DNAJC11: variants seen among roughly 807,000 people sequenced by gnomAD.
The protein encoded by DNAJC11 is DnaJ heat shock protein family (Hsp40) member C11.
Under a neutral mutation model 78.6 loss-of-function variants are expected in DNAJC11, and 15 were observed. That is an observed-to-expected ratio of 0.19 (90% CI 0.13 to 0.29). DNAJC11 has a LOEUF of 0.29. Among genes scored for constraint, DNAJC11 ranks in the 10% least tolerant of loss-of-function variants. DNAJC11 has a pLI of 1.00. For synonymous variants in DNAJC11, 292 were observed against 272.1 expected (o/e 1.07, Z -0.72); for missense variants, 547 against 709.6 (o/e 0.77, Z 2.60).
chr1:6,698,926 T>G (rs1642882375), intron 1 of DNAJC11, among the ~76,000 whole-genome samples: 1 of 148,220 alleles, frequency 6.7e-6, no homozygotes, highest in Admixed American at 6.8e-5. Context: ...CTGGGTGAAG[T>G]CTAATTATAT....
Position 6,636,156 on chromosome 1 carries a change from T to C in DNAJC11, c.1615A>G (p.Met539Val), listed in dbSNP as rs1317891122. ...YQFRGVLHQV[M>V]VLDSEALRIP... ...CGGAGGGCCTCACTGTCCAGCACCA[T>C]CACCTGATGCAGGACGCCCCGGAAC... The change falls in exon 15 of 16, where the codon ATG (methionine) becomes GTG (valine). Residue 539 changes from methionine to valine, a missense_variant. Transcript: ENST00000377577. 6.2e-7 allele frequency: 1 copy of C among 1,614,056 alleles called. No homozygotes were observed. The highest frequency in any genetic ancestry group is 8.5e-7 in the Non-Finnish European group (1 of 1,180,042).
intron 11 of DNAJC11, among the ~76,000 whole-genome samples, chr1:6,639,439 C>T (rs1044415110): frequency 2.6e-5 from 4 of 151,804 alleles, no homozygotes; most frequent in Non-Finnish European, 5.9e-5. Flanking sequence ...AAGCAATTCT[C>T]CTGTCTCAGC....
chr1:6,685,176 A>G (rs1470821265), intron 1 of DNAJC11, among the ~76,000 whole-genome samples: 2 of 152,230 alleles, frequency 1.3e-5, no homozygotes, highest in Non-Finnish European at 2.9e-5. Context: ...AAAATAAGCT[A>G]AAACATGTCT....
chr1:6,684,190 C>A (rs1642599241), intron 1 of DNAJC11, among the ~76,000 whole-genome samples: 1 of 151,522 alleles, frequency 6.6e-6, no homozygotes, highest in Non-Finnish European at 1.5e-5. Flanking sequence ...AAGTAATTGT[C>A]CTGCCTCAGC....
At position 6,681,004 on chromosome 1, in the gene DNAJC11, T is replaced by G. The variant is rs768001285; in HGVS notation, c.106A>C (p.Arg36=). The change falls in exon 2 of 16, where the codon AGG becomes CGG. Residue 36 remains arginine (R), a synonymous_variant. Transcript: ENST00000377577. ...SSEELKAAYR[R]LCMLYHPDKH... ...TCTGGATGGTAGAGCATACAGAGCCTCCGGTAGGCAGCTTTCAGCTCTTCA... is the reference window on the plus strand; with the variant it reads ...TCTGGATGGTAGAGCATACAGAGCCGCCGGTAGGCAGCTTTCAGCTCTTCA... The G allele has an allele frequency of 8.7e-6, 14 of 1,613,776 alleles. No individual in the cohort carries two copies. The Admixed American group carries it at 1.7e-4, about 19-fold the overall frequency.
At chr1:6,641,137 G>A (rs1192168343) in intron 10 of DNAJC11, among the ~76,000 whole-genome samples, 1 of 151,998 alleles carries the variant, frequency 6.6e-6, no homozygotes, top group East Asian at 1.9e-4. Context: ...TGTAATCCTA[G>A]CATTTTGGGA....
chr1:6,640,020 G>A lies in DNAJC11; in HGVS notation c.1135C>T (p.His379Tyr). The change falls in exon 11 of 16, where the codon CAC becomes TAC. Residue 379 changes from histidine (H) to tyrosine (Y), a missense_variant. By Grantham distance (83) the His-to-Tyr change is moderately conservative. Coordinates refer to ENST00000377577, the MANE Select transcript of DNAJC11 (RefSeq NM_018198.4). ...RASQTYFFPIHLTDQLLPSAM... is the reference protein window; with the variant it reads ...RASQTYFFPIYLTDQLLPSAM... ...CTGGGCAGAAGCTGGTCCGTCAAGT[G>A]AATAGGGAAGAAGTATGTCTGACTG... 1.3e-6 allele frequency: 2 copies of A among 1,504,594 alleles called. No individual in the cohort carries two copies. The highest frequency in any genetic ancestry group is 8.9e-7 in the Non-Finnish European group (1 of 1,118,150). 93.2% of individuals were successfully genotyped at this position (1,504,594 alleles called of 1,614,324 possible). A position where few individuals can be genotyped will look rare whatever the true frequency, so the allele number is the denominator to read the frequency against.
Position 6,641,129 on chromosome 1 carries a change from T to C in DNAJC11, c.1098-1072A>G, listed in dbSNP as rs190117967. Among the ~76,000 whole-genome samples the C allele has an allele frequency of 1.9e-3, 288 of 152,190 alleles. 1 individual carries two copies. Among genetic ancestry groups the C allele is most frequent in the African/African-American group, 6.7e-3 (277 of 41,516 alleles). ...GGCCAGGCTCAGTGGCTCACGCCTG[T>C]AATCCTAGCATTTTGGGAGGCTGAG... On this transcript the variant is annotated intron_variant, in intron 10 of 15. Coordinates refer to ENST00000377577, the MANE Select transcript of DNAJC11 (RefSeq NM_018198.4).
At chr1:6,674,768 C>T (rs1642434100) in intron 3 of DNAJC11, among the ~76,000 whole-genome samples, 1 of 151,802 alleles carries the variant, frequency 6.6e-6, no homozygotes, top group Non-Finnish European at 1.5e-5. Context: ...TGACTGACAA[C>T]TGGGCCAGTA....
intron 1 of DNAJC11, among the ~76,000 whole-genome samples, chr1:6,690,352 T>C (rs144969088): frequency 6.6e-6 from 1 of 152,330 alleles, no homozygotes; most frequent in East Asian, 1.9e-4. Context: ...AGCATTTCCA[T>C]GCACTCCCAC....
intron 1 of DNAJC11, among the ~76,000 whole-genome samples, chr1:6,696,309 C>A (rs1393410238): frequency 6.6e-6 from 1 of 152,178 alleles, no homozygotes; most frequent in African/African-American, 2.4e-5. Context: ...AATGTGTAAA[C>A]ACACACCACC....
chr1:6,700,869 C>G (rs1642913718), intron 1 of DNAJC11, among the ~76,000 whole-genome samples: 1 of 152,166 alleles, frequency 6.6e-6, no homozygotes, highest in African/African-American at 2.4e-5. Flanking sequence ...GACCCATCGG[C>G]TTAAAGAAAC....
intron 3 of DNAJC11, among the ~76,000 whole-genome samples, chr1:6,672,038 T>C (rs933352462): frequency 6.6e-6 from 1 of 152,136 alleles, no homozygotes; most frequent in African/African-American, 2.4e-5. Context: ...TTTCACCATG[T>C]TGGCCAGGCT....
intron 4 of DNAJC11, among the ~76,000 whole-genome samples, chr1:6,666,134 C>T (rs1306246740): frequency 1.3e-5 from 2 of 152,102 alleles, no homozygotes; most frequent in Admixed American, 6.6e-5. Flanking sequence ...ACTTTTTTCC[C>T]AAGAGAATTA....
intron 15 of DNAJC11, 79 bp from the exon 16 acceptor site, chr1:6,635,779 C>G: frequency 6.5e-7 from 1 of 1,533,164 alleles, no homozygotes. Context: ...GCTCAGCAGT[C>G]ACCCGGACCA....
At chr1:6,681,102 C>A in intron 1 of DNAJC11, 65 bp from the exon 2 acceptor site, 1 of 1,529,480 alleles carries the variant, frequency 6.5e-7, no homozygotes, top group Non-Finnish European at 8.9e-7. Context: ...TCATCAGAAT[C>A]AGCCTTGAAA....
intron 1 of DNAJC11, among the ~76,000 whole-genome samples, chr1:6,695,036 C>G (rs992970588): frequency 6.7e-6 from 1 of 148,962 alleles, no homozygotes; most frequent in African/African-American, 2.5e-5. Flanking sequence ...GTCCCGGCTA[C>G]TCGGGAGGCT....
intron 1 of DNAJC11, among the ~76,000 whole-genome samples, chr1:6,683,000 C>T (rs1458406546): frequency 1.3e-5 from 2 of 152,180 alleles, no homozygotes; most frequent in African/African-American, 4.8e-5. Context: ...AGAGAGGCAA[C>T]TCTGCTGCAT....
intron 3 of DNAJC11, among the ~76,000 whole-genome samples, chr1:6,668,915 G>A (rs1170399032): frequency 2.6e-5 from 4 of 152,026 alleles, no homozygotes; most frequent in African/African-American, 4.8e-5. Context: ...GGCCTGGCGC[G>A]GTGGCTCACG....
Sources: allele counts gnomAD v4.1 joint callset (sites outside exome capture counted in the v4.1 genomes callset), GRCh38; gene constraint gnomAD v4.1.1; transcripts MANE v1.5; gene names NCBI Gene and HGNC (gene_info 2026-07-23, HGNC 2026-07-21).